Variants in IL19 observed in about 807,000 individuals in gnomAD.
IL19 encodes interleukin-19.
IL19 carries 15 observed loss-of-function variants against 19.5 expected under a neutral mutation model. The observed-to-expected ratio is 0.77, with a 90% CI of 0.52 to 1.19. The LOEUF is 1.19. Among genes scored for constraint, IL19 ranks in the 50% most tolerant of loss-of-function variants. The pLI is 0.00. For synonymous variants in IL19, 78 were observed against 78.3 expected, an observed-to-expected ratio of 1.00 and a Z score of 0.02; for missense variants, 199 against 213.1, an observed-to-expected ratio of 0.93 and a Z score of 0.41.
chr1:206,800,778 G>A (rs147047367), intron 2 of IL19, among the ~76,000 whole-genome samples: 340 of 152,326 alleles, frequency 2.2e-3, no homozygotes, highest in African/African-American at 7.9e-3. Context: ...AAAAGAATGG[G>A]GAGATTGGCC....
chr1:206,781,414 C>CAAAAAAAAAAAAAAAAAAAAAAAAAAA (rs57060549), intron 1 of IL19, among the ~76,000 whole-genome samples: 3 of 43,026 alleles, frequency 7.0e-5, no homozygotes, highest in Non-Finnish European at 1.3e-4. Flanking sequence ...GACTCTGTCT[C>CAAAAAAAAAAAAAAAAAAAAAAAAAAA]AAAAAAAAAA....
At chr1:206,771,263 G>T in intron 1 of IL19, 185 bp downstream of exon 1, 2 of 1,299,838 alleles carry the variant, frequency 1.5e-6, no homozygotes, top group Non-Finnish European at 2.2e-6. Context: ...TCAAAGCGAA[G>T]GAAACAAACC....
In IL19 at chr1:206,770,960, C is replaced by T. The variant is rs1674812628; in HGVS notation, c.-267C>T. 6.2e-7 allele frequency: 1 copy of T among 1,614,062 alleles called. No individual in the cohort carries two copies. The highest frequency in any genetic ancestry group is 1.1e-5 in the South Asian group (1 of 91,086). ...TTCAGGTTCTCCCCCAGGGAGTTCA[C>T]ATGCGCCTTGATGTCTGGGTCTTGG... On this transcript the variant is annotated 5_prime_UTR_variant, in exon 1 of 7. Coordinates refer to ENST00000659997, the MANE Select transcript of IL19 (RefSeq NM_153758.5).
rs1448419785 is a variant in IL19 at position 206,777,361 on chromosome 1, C to A, written c.-149+6283C>A. On this transcript the variant is annotated intron_variant, in intron 1 of 6. Coordinates refer to ENST00000659997, the MANE Select transcript of IL19 (RefSeq NM_153758.5). The stretch of plus-strand genomic sequence containing the variant: ...GGCGGAGGTTGCAGTGAGCCGAGAT[C>A]GCGTCACTGCACTCCAGCCTGGGCG... 2.0e-5 allele frequency among the ~76,000 whole-genome samples: 3 copies of A among 146,686 alleles called. No individual in the cohort carries two copies. In the South Asian group the frequency reaches 6.4e-4, roughly 32 times the overall value.
In IL19 at chr1:206,793,819, TA is replaced by T. The variant is rs1276906838; in HGVS notation, c.-148-5040del. ...TATGATAACACCTCGGTGGCTTCCT[TA>T]ACTGTTGGTAGTGATTAATGGCATC... On this transcript the variant is annotated intron_variant, in intron 1 of 6. Transcript: ENST00000659997. Among the ~76,000 whole-genome samples the T allele has an allele frequency of 2.0e-5, 3 of 152,378 alleles. No homozygotes were observed. The East Asian group carries it at 5.8e-4, about 29-fold the overall frequency.
intron 2 of IL19, among the ~76,000 whole-genome samples, chr1:206,830,531 T>C (rs948867272): frequency 1.3e-5 from 2 of 151,872 alleles, no homozygotes; most frequent in African/African-American, 4.8e-5. Context: ...TGTTTTAAAA[T>C]CCCTATTAGC....
At chr1:206,834,076 G>A in intron 2 of IL19, 1 of 985,558 alleles carries the variant, frequency 1.0e-6, no homozygotes. Flanking sequence ...GGATTTTTCT[G>A]CATGGACATA....
At chr1:206,797,939 G>T (rs1217151302) in intron 1 of IL19, among the ~76,000 whole-genome samples, 1 of 152,230 alleles carries the variant, frequency 6.6e-6, no homozygotes, top group Non-Finnish European at 1.5e-5. Flanking sequence ...ACAGGCAGAA[G>T]AAGTGGATTT....
At chr1:206,836,870 A>G (rs1375047434) in intron 3 of IL19, 64 bp downstream of exon 3, 3 of 1,606,358 alleles carry the variant, frequency 1.9e-6, no homozygotes, top group Non-Finnish European at 2.6e-6. Context: ...TCTTAGCTTG[A>G]AAATGAGTTC....
At chr1:206,781,022 GT>G in intron 1 of IL19, among the ~76,000 whole-genome samples, 1 of 152,158 alleles carries the variant, frequency 6.6e-6, no homozygotes, top group East Asian at 1.9e-4. Flanking sequence ...GCCTTGGAGT[GT>G]TTTCAGACAG....
At chr1:206,802,274 A>T (rs1675732269) in intron 2 of IL19, among the ~76,000 whole-genome samples, 1 of 152,200 alleles carries the variant, frequency 6.6e-6, no homozygotes, top group South Asian at 2.1e-4. Context: ...GAGAACACCT[A>T]GTAATTCAGG....
chr1:206,830,253 T>C (rs907109909), intron 2 of IL19, among the ~76,000 whole-genome samples: 8 of 152,164 alleles, frequency 5.3e-5, no homozygotes, highest in African/African-American at 1.2e-4. Flanking sequence ...AATGTGAACA[T>C]TGAACTGAGT....
chr1:206,836,842 A>G (rs1031640494), intron 3 of IL19, 36 bp downstream of exon 3: 1 of 1,610,416 alleles, frequency 6.2e-7, no homozygotes, highest in African/African-American at 1.3e-5. Flanking sequence ...TGGATGACGG[A>G]GTATCCCTCC....
intron 1 of IL19, among the ~76,000 whole-genome samples, chr1:206,783,580 T>C (rs1335195074): frequency 2.0e-5 from 3 of 152,172 alleles, no homozygotes; most frequent in East Asian, 1.9e-4. Context: ...TGAGCCTCTC[T>C]TATGTGGCAG....
In IL19 at chr1:206,842,596, A is replaced by AATC. The variant is rs773126530; in HGVS notation, c.511_513dup (p.His171dup). The stretch of plus-strand genomic sequence containing the variant: ...CGTCTTTCTAGCCTGGATTAATAAG[A>AATC]ATCATGAAGTAATGTTCTCAGCTTG... On this transcript the variant is annotated inframe_insertion, in exon 7 of 7. Coordinates refer to ENST00000659997, the MANE Select transcript of IL19 (RefSeq NM_153758.5). 2.6e-5 allele frequency: 41 copies of AATC among 1,572,290 alleles called. No individual in the cohort carries two copies. In the African/African-American group the frequency reaches 5.0e-4, roughly 19 times the overall value.
At chr1:206,818,022 C>T (rs1676205615) in intron 2 of IL19, among the ~76,000 whole-genome samples, 1 of 152,102 alleles carries the variant, frequency 6.6e-6, no homozygotes, top group Admixed American at 6.5e-5. Flanking sequence ...CCTCAGCCTC[C>T]AAAAGTGCTG....
chr1:206,804,791 A>G (rs1314660854), intron 2 of IL19, among the ~76,000 whole-genome samples: 1 of 152,200 alleles, frequency 6.6e-6, no homozygotes, highest in Non-Finnish European at 1.5e-5. Context: ...GAATTTTTCA[A>G]TCTAAAATTC....
intron 1 of IL19, among the ~76,000 whole-genome samples, chr1:206,793,470 T>G (rs1355547053): frequency 1.3e-5 from 2 of 152,286 alleles, no homozygotes; most frequent in African/African-American, 4.8e-5. Flanking sequence ...GCAGTCGTGC[T>G]CTGATCGAAT....
intron 1 of IL19, among the ~76,000 whole-genome samples, chr1:206,789,248 A>G (rs533936588): frequency 3.3e-5 from 5 of 152,332 alleles, no homozygotes; most frequent in African/African-American, 1.2e-4. Flanking sequence ...TCTGACCATT[A>G]GGGTCATTAG....
Sources: gnomAD v4.1 joint callset for allele counts (sites outside exome capture counted in the v4.1 genomes callset) on GRCh38, gnomAD v4.1.1 for gene constraint, MANE v1.5 for transcripts, NCBI Gene and HGNC (gene_info 2026-07-23, HGNC 2026-07-21) for gene names.